Variants in PITPNC1 observed in about 807,000 individuals in gnomAD.
PITPNC1 encodes the protein cytoplasmic phosphatidylinositol transfer protein 1.
PITPNC1 carries 18 observed loss-of-function variants against 44.7 expected under a neutral mutation model. The observed-to-expected ratio is 0.40, with a 90% CI of 0.28 to 0.60. The LOEUF is 0.60. Ranked by LOEUF, PITPNC1 falls within the 20% of genes least tolerant of loss-of-function variation. The probability of loss-of-function intolerance (pLI) is 0.39; values close to 1 mark genes in which losing one functional copy is unlikely to be tolerated. For missense variants in PITPNC1, 290 were observed against 418.4 expected (o/e 0.69, Z 2.68); for synonymous variants, 141 against 149.6 (o/e 0.94, Z 0.42).
intron 2 of PITPNC1, among the ~76,000 whole-genome samples, chr17:67,543,484 G>A (rs1370960443): frequency 6.6e-6 from 1 of 152,186 alleles, no homozygotes; most frequent in African/African-American, 2.4e-5. Context: ...GCTTGCTATT[G>A]TTGTCTTTTT....
chr17:67,559,485 G>A (rs1250330500), intron 4 of PITPNC1, among the ~76,000 whole-genome samples: 7 of 152,128 alleles, frequency 4.6e-5, no homozygotes, highest in African/African-American at 1.7e-4. Context: ...TAGACAAAGG[G>A]AAATATCCTT....
At chr17:67,495,756 A>C (rs1450452849) in intron 1 of PITPNC1, among the ~76,000 whole-genome samples, 3 of 152,074 alleles carry the variant, frequency 2.0e-5, no homozygotes, top group African/African-American at 4.8e-5. Flanking sequence ...TGAGCTGTGG[A>C]GATGTTGAGG....
At chr17:67,473,828 A>G (rs1306193281) in intron 1 of PITPNC1, among the ~76,000 whole-genome samples, 1 of 152,196 alleles carries the variant, frequency 6.6e-6, no homozygotes, top group Non-Finnish European at 1.5e-5. Flanking sequence ...AACATTCCTC[A>G]GTGGACCCTG....
rs375725254 is a variant in PITPNC1 at position 67,432,279 on chromosome 17, G to A, written c.48+54077G>A. 3.1e-3 allele frequency among the ~76,000 whole-genome samples: 467 copies of A among 152,252 alleles called. 4 individuals are homozygous for A. Among genetic ancestry groups the A allele is most frequent in the Middle Eastern group, 0.027 (8 of 294 alleles). On this transcript the variant is annotated intron_variant, in intron 1 of 8. Coordinates refer to ENST00000581322, the MANE Select transcript of PITPNC1 (RefSeq NM_012417.4). The stretch of plus-strand genomic sequence containing the variant: ...CCAAGGCAGGTGGATCACGAGGTCA[G>A]GAGATGGAGACCATCCTGGCTAACA...
At chr17:67,383,828 C>G (rs529891140) in intron 1 of PITPNC1, among the ~76,000 whole-genome samples, 3 of 151,816 alleles carry the variant, frequency 2.0e-5, no homozygotes, top group African/African-American at 7.3e-5. Flanking sequence ...CACCTGAGGT[C>G]GGGAGTTTGA....
chr17:67,616,531 C>T (rs1045210606), intron 5 of PITPNC1, among the ~76,000 whole-genome samples: 1 of 152,158 alleles, frequency 6.6e-6, no homozygotes, highest in African/African-American at 2.4e-5. Flanking sequence ...GTCACTGTAT[C>T]ACTCTGATCA....
rs552024908 is a variant in PITPNC1 at position 67,693,999 on chromosome 17, T to C, written c.*1111T>C. 4 of 152,354 alleles carry C rather than the reference T, an allele frequency of 2.6e-5. No homozygotes were observed. The highest frequency in any genetic ancestry group is 9.6e-5 in the African/African-American group (4 of 41,582). 9.4% of individuals were successfully genotyped at this position (152,354 alleles called of 1,614,324 possible). On this transcript the variant is annotated 3_prime_UTR_variant, in exon 9 of 9. Coordinates refer to ENST00000581322, the MANE Select transcript of PITPNC1 (RefSeq NM_012417.4). Reference sequence around the variant, plus strand: ...AATGTCACAGACATCAAGCAACTACTGTCAAGTGGGAGGAGAGAATGAGCA... The same window carrying C: ...AATGTCACAGACATCAAGCAACTACCGTCAAGTGGGAGGAGAGAATGAGCA...
Position 67,690,912 on chromosome 17 carries a change from G to C in PITPNC1, c.683-1660G>C, listed in dbSNP as rs1477492161. Among the ~76,000 whole-genome samples, 2 of 152,076 alleles carry C rather than the reference G, an allele frequency of 1.3e-5. 1 individual carries two copies. Among genetic ancestry groups the C allele is most frequent in the East Asian group, 3.9e-4 (2 of 5,184 alleles). ...GAGGTTAGGAGTTCGAGACCAGCCT[G>C]GCCAACATGGTGAAACCCTGTCTCT... On this transcript the variant is annotated intron_variant, in intron 8 of 8. Transcript: ENST00000581322.
At chr17:67,394,854 C>T (rs2038192443) in intron 1 of PITPNC1, among the ~76,000 whole-genome samples, 2 of 151,866 alleles carry the variant, frequency 1.3e-5, no homozygotes, top group Non-Finnish European at 2.9e-5. Context: ...GAGATTGTGC[C>T]ACTGCACTCT....
chr17:67,380,796 C>T (rs189270596), intron 1 of PITPNC1, among the ~76,000 whole-genome samples: 1 of 151,736 alleles, frequency 6.6e-6, no homozygotes, highest in East Asian at 1.9e-4. Flanking sequence ...CTTTTTGAGA[C>T]ACGGTCTCGC....
chr17:67,618,580 G>A (rs1359910439), intron 5 of PITPNC1, among the ~76,000 whole-genome samples: 3 of 151,240 alleles, frequency 2.0e-5, no homozygotes, highest in East Asian at 2.0e-4. Flanking sequence ...GTGAAACCCC[G>A]GCTCTACTAA....
intron 1 of PITPNC1, among the ~76,000 whole-genome samples, chr17:67,416,203 C>CTTTTTTTTTTTTTTTTTT: frequency 1.5e-5 from 1 of 67,614 alleles, no homozygotes; most frequent in Non-Finnish European, 2.6e-5. Flanking sequence ...ACATGTATTG[C>CTTTTTTTTTTTTTTTTTT]TTTTTTTTTT....
intron 5 of PITPNC1, among the ~76,000 whole-genome samples, chr17:67,605,936 T>G (rs1479000625): frequency 1.3e-5 from 2 of 152,212 alleles, no homozygotes; most frequent in Non-Finnish European, 2.9e-5. Context: ...GAACTGTGGT[T>G]GAGAGATGTT....
At position 67,495,040 on chromosome 17, in the gene PITPNC1, GTTTTTTTTTTTGTTTTT is replaced by G. The variant is rs1355011194; in HGVS notation, c.49-37750_49-37734del. On this transcript the variant is annotated intron_variant, in intron 1 of 8. Coordinates refer to ENST00000581322, the MANE Select transcript of PITPNC1 (RefSeq NM_012417.4). ...TTTGGCAATATTGAGCCATGGAGTT[GTTTTTTTTTTTGTTTTT>G]TTTTTTTTTTTTTTTTTGAGACGGA... 7.6e-4 allele frequency among the ~76,000 whole-genome samples: 49 copies of G among 64,722 alleles called. 1 individual carries two copies. The highest frequency in any genetic ancestry group is 1.6e-3 in the Admixed American group (7 of 4,444). The allele number at this position is 64,722 out of a possible 152,430, so 42.5% of individuals were successfully genotyped here.
intron 4 of PITPNC1, among the ~76,000 whole-genome samples, chr17:67,566,223 A>G (rs924820999): frequency 1.3e-5 from 2 of 151,894 alleles, no homozygotes; most frequent in Non-Finnish European, 2.9e-5. Flanking sequence ...TTGTTTTTTG[A>G]TACAGGGGCT....
chr17:67,409,399 T>C (rs1470800718), intron 1 of PITPNC1, among the ~76,000 whole-genome samples: 1 of 152,144 alleles, frequency 6.6e-6, no homozygotes, highest in East Asian at 1.9e-4. Context: ...TTCATTCTTA[T>C]TCATATGGAT....
At chr17:67,575,791 T>TTTCC (rs1278793926) in intron 4 of PITPNC1, among the ~76,000 whole-genome samples, 10 of 21,264 alleles carry the variant, frequency 4.7e-4, no homozygotes, top group African/African-American at 1.2e-3. Flanking sequence ...CTTTTCTTTC[T>TTTCC]TTCCTTCTTT....
chr17:67,574,835 G>T (rs1010779442), intron 4 of PITPNC1, among the ~76,000 whole-genome samples: 2 of 152,030 alleles, frequency 1.3e-5, no homozygotes, highest in African/African-American at 4.8e-5. Context: ...GTACTGACCC[G>T]CTTGGAGTTA....
intron 6 of PITPNC1, among the ~76,000 whole-genome samples, chr17:67,644,008 A>G (rs944588484): frequency 2.6e-5 from 4 of 152,204 alleles, no homozygotes; most frequent in African/African-American, 9.6e-5. Context: ...TCCAGCTCTC[A>G]GGATCATGGG....
Sources: gnomAD v4.1 joint callset for allele counts (sites outside exome capture counted in the v4.1 genomes callset) on GRCh38, gnomAD v4.1.1 for gene constraint, MANE v1.5 for transcripts, NCBI Gene and HGNC (gene_info 2026-07-23, HGNC 2026-07-21) for gene names.